CD200R1: variants seen among roughly 807,000 people sequenced by gnomAD.
CD200R1 encodes the protein cell surface glycoprotein CD200 receptor 1.
A neutral mutation model predicts 38.1 loss-of-function variants in CD200R1; 30 were observed. That is an observed-to-expected ratio of 0.79 (90% CI 0.59 to 1.07). The LOEUF is 1.07. CD200R1 is among the 50% of genes least tolerant of loss of function. CD200R1 has a pLI of 0.00. For synonymous variants in CD200R1, 128 were observed against 152.1 expected (o/e 0.84, Z 1.16); for missense variants, 372 against 415.4 (o/e 0.90, Z 0.91).
chr3:112,951,579 C>T (rs1425025098), intron 1 of CD200R1, among the ~76,000 whole-genome samples: 1 of 151,730 alleles, frequency 6.6e-6, no homozygotes, highest in African/African-American at 2.4e-5. Flanking sequence ...AACATCAAAT[C>T]TTGCACTATG....
At chr3:112,956,314 A>AT (rs201314045) in intron 1 of CD200R1, among the ~76,000 whole-genome samples, 1,590 of 146,150 alleles carry the variant, frequency 0.011, 23 homozygotes, top group African/African-American at 0.036. Flanking sequence ...TGTATTTTTC[A>AT]TTTTTTTCAT....
At chr3:112,965,950 CA>C (rs1933150333) in intron 1 of CD200R1, among the ~76,000 whole-genome samples, 3 of 146,314 alleles carry the variant, frequency 2.1e-5, no homozygotes, top group Admixed American at 2.0e-4. Context: ...GAGAGGCGAA[CA>C]AAAAGGTTAA....
intron 1 of CD200R1, among the ~76,000 whole-genome samples, chr3:112,966,857 G>A (rs1265772633): frequency 2.6e-5 from 4 of 151,950 alleles, no homozygotes; most frequent in Non-Finnish European, 5.9e-5. Context: ...TGTGCCCACA[G>A]CCTCAATTTC....
intron 1 of CD200R1, among the ~76,000 whole-genome samples, chr3:112,974,158 G>A (rs1374341505): frequency 6.6e-6 from 1 of 152,174 alleles, no homozygotes; most frequent in Non-Finnish European, 1.5e-5. Context: ...AGAAGAGGCT[G>A]GGTGCAGTGG....
chr3:112,970,690 T>C (rs1392785), intron 1 of CD200R1, among the ~76,000 whole-genome samples: 71,508 of 152,090 alleles, frequency 0.47, 16,779 homozygotes, highest in South Asian at 0.51. Flanking sequence ...ATTAACTAAA[T>C]GCCATTAACT....
rs760996843 is a variant in CD200R1 at position 112,925,176 on chromosome 3, A to G, written c.787T>C (p.Ser263Pro). The change falls in exon 6 of 8, where the codon TCA (serine) becomes CCA (proline). Residue 263 changes from serine to proline, a missense_variant. Coordinates refer to ENST00000308611, the MANE Select transcript of CD200R1 (RefSeq NM_138806.4). ...ATATATGGAATATATAATTTTGCTG[A>G]TTTTTTGGCACCTGGAACTATAGAC... is the stretch of plus-strand genomic sequence containing the variant. ...ELLPVPGAKKSAKLYIPYIIL... is the reference protein window; with the variant it reads ...ELLPVPGAKKPAKLYIPYIIL... 5.6e-5 allele frequency: 89 copies of G among 1,584,564 alleles called. No individual in the cohort carries two copies. In the Admixed American group the frequency reaches 6.2e-4, roughly 11 times the overall value.
At chr3:112,938,853 T>C (rs1576134521) in intron 2 of CD200R1, among the ~76,000 whole-genome samples, 1 of 151,928 alleles carries the variant, frequency 6.6e-6, no homozygotes, top group East Asian at 1.9e-4. Context: ...AAGCCAATAC[T>C]ACTAATAAAC....
At chr3:112,934,423 A>G (rs1213595765) in intron 2 of CD200R1, among the ~76,000 whole-genome samples, 1 of 150,312 alleles carries the variant, frequency 6.7e-6, no homozygotes, top group African/African-American at 2.5e-5. Context: ...CACCAAGCAG[A>G]AAAAAAAAAT....
intron 1 of CD200R1, among the ~76,000 whole-genome samples, chr3:112,959,746 T>C (rs984309837): frequency 2.0e-5 from 3 of 152,068 alleles, no homozygotes; most frequent in African/African-American, 7.2e-5. Context: ...AGTTTCAAAG[T>C]TTCTTTCAAA....
chr3:112,967,644 T>C (rs547895052), intron 1 of CD200R1, among the ~76,000 whole-genome samples: 3 of 152,246 alleles, frequency 2.0e-5, no homozygotes, highest in Non-Finnish European at 4.4e-5. Flanking sequence ...TCTAAATTAC[T>C]GGCTGACAGA....
intron 2 of CD200R1, among the ~76,000 whole-genome samples, chr3:112,933,058 A>G (rs888767282): frequency 4.6e-5 from 7 of 152,160 alleles, no homozygotes; most frequent in Non-Finnish European, 8.8e-5. Context: ...GAAACAGCAC[A>G]GCAGGCATGC....
chr3:112,965,224 T>G, intron 1 of CD200R1, among the ~76,000 whole-genome samples: 1 of 151,864 alleles, frequency 6.6e-6, no homozygotes, highest in Non-Finnish European at 1.5e-5. Context: ...AGCTTTGTGA[T>G]TTGGTAACAA....
At chr3:112,972,668 T>G (rs73214316) in intron 1 of CD200R1, among the ~76,000 whole-genome samples, 2,858 of 152,202 alleles carry the variant, frequency 0.019, 45 homozygotes, top group Non-Finnish European at 0.03. Flanking sequence ...TCCCCTTAGG[T>G]TTTTTCTGGA....
chr3:112,948,016 A>G (rs942643425), intron 1 of CD200R1, 92 bp from the exon 2 acceptor site: 150 of 852,700 alleles, frequency 1.8e-4, no homozygotes, highest in Non-Finnish European at 2.7e-4. Flanking sequence ...CACATTCTTC[A>G]GACTATTTTT....
At chr3:112,960,541 G>A (rs1157147798) in intron 1 of CD200R1, among the ~76,000 whole-genome samples, 3 of 151,870 alleles carry the variant, frequency 2.0e-5, no homozygotes, top group East Asian at 1.9e-4. Context: ...CTAAAATAAT[G>A]AATAAATGAA....
At chr3:112,954,548 T>TA (rs1439735153) in intron 1 of CD200R1, among the ~76,000 whole-genome samples, 2 of 152,128 alleles carry the variant, frequency 1.3e-5, no homozygotes, top group Admixed American at 1.3e-4. Flanking sequence ...GCCCCACCCT[T>TA]CAACCTCTGG....
intron 1 of CD200R1, among the ~76,000 whole-genome samples, chr3:112,951,321 A>C (rs1001343333): frequency 6.6e-6 from 1 of 152,056 alleles, no homozygotes; most frequent in African/African-American, 2.4e-5. Flanking sequence ...GAATAAAAAA[A>C]CTGAAAAGCC....
intron 2 of CD200R1, among the ~76,000 whole-genome samples, chr3:112,932,836 A>G (rs1033926046): frequency 6.6e-6 from 1 of 151,492 alleles, no homozygotes; most frequent in Non-Finnish European, 1.5e-5. Flanking sequence ...CCACAAGCTC[A>G]CTGTTGGCAA....
At chr3:112,950,523 G>A (rs1210821370) in intron 1 of CD200R1, among the ~76,000 whole-genome samples, 4 of 151,852 alleles carry the variant, frequency 2.6e-5, no homozygotes, top group Non-Finnish European at 4.4e-5. Context: ...CTAAGTTGTG[G>A]GGTAATTCAT....
Sources: gnomAD v4.1 joint callset for allele counts (sites outside exome capture counted in the v4.1 genomes callset) on GRCh38, gnomAD v4.1.1 for gene constraint, MANE v1.5 for transcripts, NCBI Gene and HGNC (gene_info 2026-07-23, HGNC 2026-07-21) for gene names.